FANCL: variants seen among roughly 807,000 people sequenced by gnomAD.
FANCL encodes the protein FA complementation group L.
FANCL carries 69 observed loss-of-function variants against 59.4 expected under a neutral mutation model. The ratio of observed to expected loss-of-function variants is 1.16; its 90% CI spans 0.96 to 1.42. The LOEUF (loss-of-function observed/expected upper bound fraction) is 1.42, where lower values mean the gene tolerates loss of function less well. FANCL is among the 40% of genes most tolerant of loss of function. The pLI, the probability that FANCL is intolerant of heterozygous loss-of-function variation, is 0.00. For missense variants in FANCL, 519 were observed against 447.2 expected (o/e 1.16, Z -1.45); for synonymous variants, 180 against 147.1 (o/e 1.22, Z -1.62).
chr2:58,165,652 C>A, intron 8 of FANCL, 72 bp downstream of exon 8: 1 of 1,574,050 alleles, frequency 6.4e-7, no homozygotes, highest in South Asian at 1.1e-5. Context: ...GTCCAACTGT[C>A]ATTGTTAGAT....
intron 5 of FANCL, among the ~76,000 whole-genome samples, chr2:58,219,374 C>T (rs12470316): frequency 0.45 from 68,295 of 150,438 alleles, 19,661 homozygotes; most frequent in African/African-American, 0.83. Flanking sequence ...ACTGAAAAAA[C>T]AAATAAATGA....
In FANCL at chr2:58,204,132, T is replaced by C; in HGVS notation, c.469A>G (p.Lys157Glu). 6.2e-7 allele frequency: 1 copy of C among 1,608,426 alleles called. No homozygotes were observed. Among genetic ancestry groups the C allele is most frequent in the Admixed American group, 1.7e-5 (1 of 59,966 alleles). ...EHLITLKLKA[K>E]YPAESPDYFV... The stretch of plus-strand genomic sequence containing the variant: ...TAACAGTTTAACGAGGCACATACCT[T>C]TGCCTTCAACTTGAGAGTGATTAAA... Residue 157 changes from lysine (K) to glutamate (E), a missense_variant and splice_region_variant, in exon 6 of 14, where the codon AAG (lysine) becomes GAG (glutamate). Coordinates refer to ENST00000233741, the MANE Select transcript of FANCL (RefSeq NM_018062.4).
At chr2:58,174,237 A>G (rs1687018216) in intron 7 of FANCL, among the ~76,000 whole-genome samples, 1 of 152,226 alleles carries the variant, frequency 6.6e-6, no homozygotes, top group South Asian at 2.1e-4. Context: ...AACAAGACAG[A>G]AAGTTAACAA....
intron 7 of FANCL, among the ~76,000 whole-genome samples, chr2:58,174,072 A>C (rs1479686914): frequency 1.3e-5 from 2 of 152,218 alleles, no homozygotes; most frequent in African/African-American, 4.8e-5. Context: ...GGATCAATTC[A>C]ACAAGAGGAG....
chr2:58,230,120 T>G (rs1363192730), intron 2 of FANCL, among the ~76,000 whole-genome samples: 2 of 152,020 alleles, frequency 1.3e-5, no homozygotes, highest in Non-Finnish European at 2.9e-5. Context: ...TTTTTTAACT[T>G]TAACACATCC....
intron 5 of FANCL, among the ~76,000 whole-genome samples, chr2:58,210,376 T>C (rs1573723556): frequency 1.3e-5 from 2 of 152,146 alleles, no homozygotes; most frequent in East Asian, 3.9e-4. Flanking sequence ...TCACATCTCA[T>C]GACACTTATT....
chr2:58,187,734 G>T (rs866259889), intron 7 of FANCL, among the ~76,000 whole-genome samples: 1 of 152,002 alleles, frequency 6.6e-6, no homozygotes, highest in Non-Finnish European at 1.5e-5. Flanking sequence ...AGCTTTAATG[G>T]TAGTAAAAGT....
At chr2:58,195,369 G>C (rs1042027628) in intron 7 of FANCL, among the ~76,000 whole-genome samples, 1 of 152,052 alleles carries the variant, frequency 6.6e-6, no homozygotes, top group African/African-American at 2.4e-5. Context: ...ATGTGTAAAA[G>C]AAAAACTGTG....
intron 7 of FANCL, among the ~76,000 whole-genome samples, chr2:58,171,575 T>C (rs1309472761): frequency 6.6e-6 from 1 of 152,112 alleles, no homozygotes; most frequent in Admixed American, 6.5e-5. Context: ...AAAAAATCAA[T>C]GAACCCAGGA....
At chr2:58,169,984 G>A (rs532464732) in intron 7 of FANCL, among the ~76,000 whole-genome samples, 1 of 152,042 alleles carries the variant, frequency 6.6e-6, no homozygotes, top group African/African-American at 2.4e-5. Context: ...CACTCTTCAG[G>A]ATGTTATCCA....
At chr2:58,194,182 C>A (rs1489096828) in intron 7 of FANCL, 1 of 470,638 alleles carries the variant, frequency 2.1e-6, no homozygotes, top group African/African-American at 2.0e-5. Flanking sequence ...TTCCAACTGC[C>A]CATGGCAAGA....
chr2:58,222,006 G>A lies in FANCL; in HGVS notation c.310C>T (p.Leu104=), dbSNP rs1225517747. 4 of 1,613,512 alleles carry A rather than the reference G, an allele frequency of 2.5e-6. No homozygotes were observed. The highest frequency in any genetic ancestry group is 3.4e-6 in the Non-Finnish European group (4 of 1,179,562). Residue 104 remains leucine (L), a synonymous_variant, in exon 5 of 14, where the codon CTA becomes TTA. Transcript: ENST00000233741. ...ALKNRQELYA[L]PPPPQFYSSL... is the part of the protein sequence containing the mutation. ...GAGTAGAACTGGGGAGGAGGAGGTA[G>A]TGCATACAGCTCTTGTCTATTCTTT...
chr2:58,198,961 G>A (rs143632750), intron 6 of FANCL, among the ~76,000 whole-genome samples: 157 of 151,248 alleles, frequency 1.0e-3, no homozygotes, highest in Non-Finnish European at 1.4e-3. Flanking sequence ...CCTGGGAGGC[G>A]GAGATGGCAG....
chr2:58,199,028 CAAAAAAA>C lies in FANCL; in HGVS notation c.472-373_472-367del, dbSNP rs772182737. ...TGGGCGACAGAGTGAATCTCCATCT[CAAAAAAA>C]AAAAAAAAAAGAAAAACGAGATATA... On this transcript the variant is annotated intron_variant, in intron 6 of 13. Coordinates refer to ENST00000233741, the MANE Select transcript of FANCL (RefSeq NM_018062.4). Among the ~76,000 whole-genome samples the C allele has an allele frequency of 1.4e-3, 84 of 61,218 alleles. No individual in the cohort carries two copies. The East Asian group carries it at 0.031, about 22-fold the overall frequency. 40.2% of individuals were successfully genotyped at this position (61,218 alleles called of 152,430 possible).
chr2:58,231,805 A>C (rs1693607254), intron 2 of FANCL, among the ~76,000 whole-genome samples: 1 of 152,244 alleles, frequency 6.6e-6, no homozygotes, highest in Non-Finnish European at 1.5e-5. Flanking sequence ...TGAAGTGTAC[A>C]CAATGGCTGT....
At chr2:58,175,018 A>T (rs1053053835) in intron 7 of FANCL, among the ~76,000 whole-genome samples, 1 of 152,128 alleles carries the variant, frequency 6.6e-6, no homozygotes, top group African/African-American at 2.4e-5. Context: ...CTATGCAAAT[A>T]AACTAGAAAA....
intron 7 of FANCL, among the ~76,000 whole-genome samples, chr2:58,192,795 A>G (rs190717178): frequency 2.6e-5 from 4 of 152,080 alleles, no homozygotes; most frequent in South Asian, 2.1e-4. Flanking sequence ...GCTAACAGCC[A>G]AAAGTGTTTG....
intron 8 of FANCL, 133 bp downstream of exon 8, chr2:58,165,591 A>T (rs1573530674): frequency 1.8e-6 from 2 of 1,092,704 alleles, no homozygotes; most frequent in East Asian, 5.0e-5. Context: ...TAGCCAAAAA[A>T]AAGTTTATAC....
chr2:58,170,829 C>A (rs1686525573), intron 7 of FANCL, among the ~76,000 whole-genome samples: 1 of 152,042 alleles, frequency 6.6e-6, no homozygotes, highest in Non-Finnish European at 1.5e-5. Context: ...GCTAACAATC[C>A]TAAATGTATA....
Sources: allele counts gnomAD v4.1 joint callset (sites outside exome capture counted in the v4.1 genomes callset), GRCh38; gene constraint gnomAD v4.1.1; transcripts MANE v1.5; gene names NCBI Gene and HGNC (gene_info 2026-07-23, HGNC 2026-07-21).